Variants in CTNND2 observed in about 807,000 individuals in gnomAD.
CTNND2 encodes the protein catenin delta 2.
A neutral mutation model predicts 144.4 loss-of-function variants in CTNND2; 22 were observed. That is an observed-to-expected ratio of 0.15 (90% CI 0.11 to 0.22). CTNND2 has a LOEUF of 0.22. Ranked by LOEUF, CTNND2 falls within the 10% of genes least tolerant of loss-of-function variation. The pLI, the probability that CTNND2 is intolerant of heterozygous loss-of-function variation, is 1.00. For synonymous variants in CTNND2, 751 were observed against 695.6 expected (o/e 1.08, Z -1.25); for missense variants, 1,353 against 1,618.8 (o/e 0.84, Z 2.82).
intron 9 of CTNND2, among the ~76,000 whole-genome samples, chr5:11,250,491 C>CTCTATATATATATATATA (rs869141186): frequency 3.4e-4 from 22 of 64,108 alleles, no homozygotes; most frequent in African/African-American, 4.3e-4. Context: ...CTCTCTCTCT[C>CTCTATATATATATATATA]TATATATATA....
chr5:11,284,997 C>T (rs1398983622), intron 9 of CTNND2, among the ~76,000 whole-genome samples: 1 of 152,134 alleles, frequency 6.6e-6, no homozygotes, highest in Non-Finnish European at 1.5e-5. Flanking sequence ...TCCTATAAGC[C>T]TTCTTCTCAA....
intron 18 of CTNND2, among the ~76,000 whole-genome samples, chr5:11,001,822 A>G (rs1303929183): frequency 2.0e-5 from 3 of 151,962 alleles, no homozygotes; most frequent in African/African-American, 7.3e-5. Context: ...TTAAATGGTA[A>G]TTCCTCTCCA....
At chr5:11,399,444 G>A (rs1173009320) in intron 5 of CTNND2, among the ~76,000 whole-genome samples, 1 of 152,190 alleles carries the variant, frequency 6.6e-6, no homozygotes, top group African/African-American at 2.4e-5. Context: ...GAATTGCTCT[G>A]AAGAACTGTT....
At chr5:11,528,703 C>T (rs1310443970) in intron 3 of CTNND2, among the ~76,000 whole-genome samples, 1 of 152,140 alleles carries the variant, frequency 6.6e-6, no homozygotes, top group Non-Finnish European at 1.5e-5. Context: ...GGGAGTTGGC[C>T]GTGCTGGCCT....
At position 11,023,853 on chromosome 5, in the gene CTNND2, G is replaced by A. The variant is rs565652364; in HGVS notation, c.2789-874C>T. ...TTAGGCATTACCAATAGCCCTGCAA[G>A]ACAATTAATTTATCCCACCTGCAGC... On this transcript the variant is annotated intron_variant, in intron 16 of 21. Coordinates refer to ENST00000304623, the MANE Select transcript of CTNND2 (RefSeq NM_001332.4). Among the ~76,000 whole-genome samples, 13 of 152,292 alleles carry A rather than the reference G, an allele frequency of 8.5e-5. No homozygotes were observed. In the South Asian group the frequency reaches 2.7e-3, roughly 32 times the overall value.
intron 2 of CTNND2, among the ~76,000 whole-genome samples, chr5:11,597,717 G>A (rs1779584811): frequency 6.6e-6 from 1 of 152,042 alleles, no homozygotes; most frequent in African/African-American, 2.4e-5. Flanking sequence ...GGGACTACAG[G>A]TGTGGTCCAC....
At chr5:11,691,589 G>GA (rs1217141302) in intron 2 of CTNND2, among the ~76,000 whole-genome samples, 1 of 151,732 alleles carries the variant, frequency 6.6e-6, no homozygotes, top group Non-Finnish European at 1.5e-5. Flanking sequence ...TATTTTAAAA[G>GA]AAACTTTAAA....
intron 16 of CTNND2, among the ~76,000 whole-genome samples, chr5:11,054,632 G>A (rs1235120256): frequency 1.3e-5 from 2 of 152,012 alleles, no homozygotes; most frequent in African/African-American, 2.4e-5. Context: ...CTTGAAGACC[G>A]CACTTGCCCT....
intron 3 of CTNND2, among the ~76,000 whole-genome samples, chr5:11,427,978 C>G (rs569944221): frequency 1.3e-5 from 2 of 152,182 alleles, no homozygotes; most frequent in Non-Finnish European, 2.9e-5. Flanking sequence ...GCACTTCTTA[C>G]ATGGTGACAG....
chr5:11,532,457 T>G (rs1384754072), intron 3 of CTNND2, among the ~76,000 whole-genome samples: 1 of 152,212 alleles, frequency 6.6e-6, no homozygotes, highest in African/African-American at 2.4e-5. Flanking sequence ...TCAAGCCAAC[T>G]TCAATTCCAA....
At chr5:11,299,221 G>A (rs907164093) in intron 9 of CTNND2, among the ~76,000 whole-genome samples, 3 of 152,028 alleles carry the variant, frequency 2.0e-5, no homozygotes, top group African/African-American at 7.2e-5. Context: ...TTTTCTTCAC[G>A]GTTTGGTCTA....
intron 9 of CTNND2, among the ~76,000 whole-genome samples, chr5:11,242,909 A>G (rs1742602471): frequency 6.6e-6 from 1 of 152,172 alleles, no homozygotes; most frequent in Non-Finnish European, 1.5e-5. Context: ...CACCTATTTT[A>G]CTGCATTTCT....
At chr5:11,495,947 A>C (rs1351798204) in intron 3 of CTNND2, among the ~76,000 whole-genome samples, 1 of 152,144 alleles carries the variant, frequency 6.6e-6, no homozygotes, top group African/African-American at 2.4e-5. Context: ...GGACCTGTGT[A>C]TCTGGCAGTA....
At chr5:11,485,790 C>G (rs1430460880) in intron 3 of CTNND2, among the ~76,000 whole-genome samples, 1 of 152,038 alleles carries the variant, frequency 6.6e-6, no homozygotes, top group Non-Finnish European at 1.5e-5. Flanking sequence ...AAATGAATAG[C>G]TATGAAAATA....
rs2149990677 is a variant in CTNND2, at chr5:11,489,485, T to C, written c.287+75459A>G. Among the ~76,000 whole-genome samples, 4 of 152,350 alleles carry C rather than the reference T, an allele frequency of 2.6e-5. No individual in the cohort carries two copies. The South Asian group carries it at 8.3e-4, about 32-fold the overall frequency. ...GAATTTCTTATGCTGTCAACTCATT[T>C]TCCTTTCAAAAATTCAATAAATGTG... On this transcript the variant is annotated intron_variant, in intron 3 of 21. Transcript: ENST00000304623.
chr5:11,140,297 G>A (rs887915127), intron 12 of CTNND2, among the ~76,000 whole-genome samples: 2 of 152,168 alleles, frequency 1.3e-5, no homozygotes, highest in African/African-American at 4.8e-5. Context: ...TTCAGGAAGT[G>A]TATTCACAAG....
intron 12 of CTNND2, among the ~76,000 whole-genome samples, chr5:11,126,038 A>C (rs1754639152): frequency 6.6e-6 from 1 of 152,232 alleles, no homozygotes; most frequent in African/African-American, 2.4e-5. Flanking sequence ...ACAGTGGCTC[A>C]CACCTATAAT....
intron 14 of CTNND2, among the ~76,000 whole-genome samples, chr5:11,103,435 C>G (rs754288279): frequency 6.5e-4 from 99 of 152,104 alleles, no homozygotes; most frequent in Non-Finnish European, 9.1e-4. Context: ...CTTTGGGAGG[C>G]TGAGGCAGGC....
chr5:11,684,251 G>A (rs1036392326), intron 2 of CTNND2, among the ~76,000 whole-genome samples: 4 of 151,786 alleles, frequency 2.6e-5, no homozygotes, highest in East Asian at 1.9e-4. Flanking sequence ...ACAGGCGCTC[G>A]CCACCACGCC....
Sources: gnomAD v4.1 joint callset for allele counts (sites outside exome capture counted in the v4.1 genomes callset) on GRCh38, gnomAD v4.1.1 for gene constraint, MANE v1.5 for transcripts, NCBI Gene and HGNC (gene_info 2026-07-23, HGNC 2026-07-21) for gene names.